The following WWOX variants were observed in gnomAD, a reference collection of about 807,000 sequenced individuals.
The protein encoded by WWOX is WW domain-containing oxidoreductase.
Under a neutral mutation model 46.2 loss-of-function variants are expected in WWOX, and 69 were observed. That is an observed-to-expected ratio of 1.49 (90% confidence interval 1.23 to 1.82). The LOEUF is 1.82. WWOX is among the 40% of genes most tolerant of loss of function. The pLI is 0.00. For missense variants in WWOX, 919 were observed against 542.6 expected, an observed-to-expected ratio of 1.69 and a Z score of -6.89; for synonymous variants, 359 against 202.6, an observed-to-expected ratio of 1.77 and a Z score of -6.56.
At chr16:78,969,256 T>A (rs1370797567) in intron 8 of WWOX, among the ~76,000 whole-genome samples, 1 of 132,180 alleles carries the variant, frequency 7.6e-6, no homozygotes, top group Non-Finnish European at 1.6e-5. Flanking sequence ...CACCCTGCTC[T>A]CTCTCTCTCT....
At chr16:79,121,334 C>T (rs2049627163) in intron 8 of WWOX, among the ~76,000 whole-genome samples, 1 of 152,162 alleles carries the variant, frequency 6.6e-6, no homozygotes, top group Admixed American at 6.5e-5. Flanking sequence ...TCCATAGTCG[C>T]AGTCAGTACC....
At chr16:78,104,132 C>T (rs913485268) in intron 1 of WWOX, among the ~76,000 whole-genome samples, 1 of 151,918 alleles carries the variant, frequency 6.6e-6, no homozygotes. Context: ...GAAGCTCAGG[C>T]CTTTTGGCAG....
intron 8 of WWOX, among the ~76,000 whole-genome samples, chr16:78,974,760 G>A (rs932896712): frequency 2.6e-5 from 4 of 152,102 alleles, no homozygotes; most frequent in African/African-American, 2.4e-5. Flanking sequence ...TGTTGGGTCC[G>A]CCAGCTCTCC....
At chr16:78,561,353 T>A (rs1266017033) in intron 8 of WWOX, among the ~76,000 whole-genome samples, 1 of 152,206 alleles carries the variant, frequency 6.6e-6, no homozygotes, top group Non-Finnish European at 1.5e-5. Flanking sequence ...TTTGAATCTC[T>A]CTGACTTTCC....
At chr16:78,730,127 C>G (rs977255241) in intron 8 of WWOX, among the ~76,000 whole-genome samples, 4 of 152,084 alleles carry the variant, frequency 2.6e-5, no homozygotes, top group African/African-American at 9.7e-5. Flanking sequence ...GATTCCTTAG[C>G]TTTAGGGAAT....
chr16:78,495,670 G>T (rs1473538777), intron 8 of WWOX, among the ~76,000 whole-genome samples: 1 of 150,584 alleles, frequency 6.6e-6, no homozygotes, highest in South Asian at 2.1e-4. Flanking sequence ...CACGGCACCT[G>T]GCTAATTTTT....
intron 8 of WWOX, among the ~76,000 whole-genome samples, chr16:79,186,397 G>C (rs1439679055): frequency 6.6e-6 from 1 of 152,142 alleles, no homozygotes; most frequent in Admixed American, 6.5e-5. Flanking sequence ...GGCAACGCTT[G>C]GTGTTTCCTG....
intron 4 of WWOX, among the ~76,000 whole-genome samples, chr16:78,155,609 G>T (rs1231443858): frequency 6.6e-6 from 1 of 152,094 alleles, no homozygotes; most frequent in East Asian, 1.9e-4. Context: ...GGTATTATTA[G>T]GTTTACATAT....
At chr16:79,132,501 A>G (rs77128220) in intron 8 of WWOX, among the ~76,000 whole-genome samples, 3 of 152,134 alleles carry the variant, frequency 2.0e-5, no homozygotes, top group Non-Finnish European at 4.4e-5. Context: ...CACGTTTCAG[A>G]TGATTGGGAG....
chr16:79,079,503 C>A (rs769707029), intron 8 of WWOX, among the ~76,000 whole-genome samples: 1 of 152,154 alleles, frequency 6.6e-6, no homozygotes, highest in Non-Finnish European at 1.5e-5. Flanking sequence ...GCCCCAACCC[C>A]CTGTTACATT....
chr16:78,895,837 A>C (rs1197111226), intron 8 of WWOX: 1 of 152,212 alleles, frequency 6.6e-6, no homozygotes, highest in African/African-American at 2.4e-5. Context: ...GACTATATAA[A>C]GTCGAGTGCT....
At chr16:78,976,579 C>A (rs961032499) in intron 8 of WWOX, among the ~76,000 whole-genome samples, 1 of 152,186 alleles carries the variant, frequency 6.6e-6, no homozygotes. Flanking sequence ...TGGGATCTTG[C>A]AGCTGCGAAA....
chr16:79,157,677 G>C (rs1567588207), intron 8 of WWOX, among the ~76,000 whole-genome samples: 1 of 152,220 alleles, frequency 6.6e-6, no homozygotes, highest in Non-Finnish European at 1.5e-5. Flanking sequence ...CCACTGAAAA[G>C]ACAGTTTGTG....
chr16:79,088,583 A>G (rs1339812345), intron 8 of WWOX, among the ~76,000 whole-genome samples: 1 of 152,184 alleles, frequency 6.6e-6, no homozygotes, highest in African/African-American at 2.4e-5. Context: ...TTTCTTTTTG[A>G]AACTAAAAGA....
At chr16:78,579,663 G>A (rs1429744398) in intron 8 of WWOX, among the ~76,000 whole-genome samples, 1 of 152,186 alleles carries the variant, frequency 6.6e-6, no homozygotes, top group Non-Finnish European at 1.5e-5. Flanking sequence ...GATCATCTCT[G>A]TCTCTATCAC....
At chr16:78,429,445 C>A (rs1158899350) in intron 7 of WWOX, among the ~76,000 whole-genome samples, 1 of 152,050 alleles carries the variant, frequency 6.6e-6, no homozygotes, top group African/African-American at 2.4e-5. Flanking sequence ...TGGAAGAGTT[C>A]ATTATGGAGA....
Position 78,517,122 on chromosome 16 carries a change from T to C in WWOX, c.1056+84370T>C, listed in dbSNP as rs183360858. Reference sequence around the variant, plus strand: ...AATCGGGGCAGCCATCCTTCAAATATGAAGCAGGTATCTGAGAATACTAAA... The same window carrying C: ...AATCGGGGCAGCCATCCTTCAAATACGAAGCAGGTATCTGAGAATACTAAA... On this transcript the variant is annotated intron_variant, in intron 8 of 8. Coordinates refer to ENST00000566780, the MANE Select transcript of WWOX (RefSeq NM_016373.4). Among the ~76,000 whole-genome samples the C allele has an allele frequency of 3.3e-5, 5 of 152,338 alleles. No homozygotes were observed. In the East Asian group the frequency reaches 5.8e-4, roughly 18 times the overall value.
intron 5 of WWOX, among the ~76,000 whole-genome samples, chr16:78,211,713 T>G (rs1324242329): frequency 6.6e-6 from 1 of 152,162 alleles, no homozygotes; most frequent in Non-Finnish European, 1.5e-5. Context: ...AGGGTGAGAA[T>G]GAATAACGGA....
chr16:78,383,882 T>C (rs1254883295), intron 5 of WWOX, among the ~76,000 whole-genome samples: 1 of 152,204 alleles, frequency 6.6e-6, no homozygotes, highest in Admixed American at 6.5e-5. Flanking sequence ...GTTGAACTAC[T>C]TGATGGCTTG....
Sources: allele counts gnomAD v4.1 joint callset (sites outside exome capture counted in the v4.1 genomes callset), GRCh38; gene constraint gnomAD v4.1.1; transcripts MANE v1.5; gene names NCBI Gene and HGNC (gene_info 2026-07-23, HGNC 2026-07-21).